MEI4: variants seen among roughly 807,000 people sequenced by gnomAD.
MEI4 encodes the protein meiotic double-stranded break formation protein 4.
A neutral mutation model predicts 31.4 loss-of-function variants in MEI4; 27 were observed. The observed-to-expected ratio is 0.86, with a 90% CI of 0.63 to 1.19. The LOEUF (loss-of-function observed/expected upper bound fraction) is 1.19, where lower values mean the gene tolerates loss of function less well. MEI4 is among the 50% of genes most tolerant of loss of function. The pLI is 0.00. For missense variants in MEI4, 329 were observed against 398.9 expected (o/e 0.82, Z 1.49); for synonymous variants, 122 against 145.4 (o/e 0.84, Z 1.16).
At chr6:77,733,666 C>T (rs1325852046) in intron 2 of MEI4, among the ~76,000 whole-genome samples, 2 of 151,844 alleles carry the variant, frequency 1.3e-5, no homozygotes, top group East Asian at 3.9e-4. Context: ...TTGCCTTCTG[C>T]TAGCTTTTGA....
chr6:77,833,946 C>T (rs1237389499), intron 4 of MEI4, among the ~76,000 whole-genome samples: 1 of 152,104 alleles, frequency 6.6e-6, no homozygotes, highest in African/African-American at 2.4e-5. Flanking sequence ...TCATCCATGT[C>T]CCTGCAAAGG....
At chr6:77,884,580 A>T (rs13207418) in intron 4 of MEI4, among the ~76,000 whole-genome samples, 2 of 151,964 alleles carry the variant, frequency 1.3e-5, no homozygotes, top group African/African-American at 2.4e-5. Context: ...TTGGATATCC[A>T]GTTGTCTCAG....
chr6:77,887,018 T>C (rs1771635563), intron 4 of MEI4, among the ~76,000 whole-genome samples: 1 of 38 alleles, frequency 0.026, no homozygotes, highest in Non-Finnish European at 0.042. Flanking sequence ...GTTTGTTCTT[T>C]CTTTTTTATT....
intron 1 of MEI4, among the ~76,000 whole-genome samples, chr6:77,664,882 T>C (rs982682307): frequency 1.3e-5 from 2 of 152,082 alleles, no homozygotes; most frequent in Non-Finnish European, 2.9e-5. Flanking sequence ...CGAGTTTGTA[T>C]TGGGGTCAAG....
chr6:77,709,551 G>A (rs1296899021), intron 2 of MEI4, among the ~76,000 whole-genome samples: 1 of 152,072 alleles, frequency 6.6e-6, no homozygotes, highest in Non-Finnish European at 1.5e-5. Flanking sequence ...AAGGTAACTG[G>A]TAAAAATAAT....
At chr6:77,837,566 C>T (rs1389491640) in intron 4 of MEI4, among the ~76,000 whole-genome samples, 6 of 152,306 alleles carry the variant, frequency 3.9e-5, no homozygotes, top group Non-Finnish European at 1.5e-5. Context: ...TGAGCCAAAT[C>T]TGGCTTGCCA....
At chr6:77,922,393 A>G (rs1021999411) in intron 4 of MEI4, among the ~76,000 whole-genome samples, 1 of 151,742 alleles carries the variant, frequency 6.6e-6, no homozygotes, top group South Asian at 2.1e-4. Flanking sequence ...TGCTCACCTC[A>G]TAGGGCTTCT....
intron 2 of MEI4, among the ~76,000 whole-genome samples, chr6:77,715,771 C>T (rs989181103): frequency 2.0e-5 from 3 of 152,034 alleles, no homozygotes; most frequent in East Asian, 1.9e-4. Context: ...CATAACAAGC[C>T]TATAGTTAGT....
intron 4 of MEI4, among the ~76,000 whole-genome samples, chr6:77,849,668 TC>T (rs1770569804): frequency 6.6e-6 from 1 of 152,204 alleles, no homozygotes; most frequent in African/African-American, 2.4e-5. Flanking sequence ...ACCGATTCTT[TC>T]CAGTCTGGGT....
At chr6:77,657,841 C>G (rs1008706888) in intron 1 of MEI4, among the ~76,000 whole-genome samples, 7 of 152,240 alleles carry the variant, frequency 4.6e-5, no homozygotes, top group African/African-American at 1.7e-4. Flanking sequence ...GCTTTTGCCT[C>G]TCTGAGTTCC....
At chr6:77,904,534 T>C (rs1375079774) in intron 4 of MEI4, among the ~76,000 whole-genome samples, 1 of 152,124 alleles carries the variant, frequency 6.6e-6, no homozygotes, top group Non-Finnish European at 1.5e-5. Flanking sequence ...AATATTTAGC[T>C]CTCACTTATA....
At chr6:77,662,547 A>G (rs199944802) in intron 1 of MEI4, among the ~76,000 whole-genome samples, 1 of 152,132 alleles carries the variant, frequency 6.6e-6, no homozygotes. Context: ...GAAGAAAATA[A>G]ATTTTGGAAA....
At position 77,900,961 on chromosome 6, in the gene MEI4, G is replaced by A. The variant is rs74461425; in HGVS notation, c.901-22128G>A. 9.3e-3 allele frequency among the ~76,000 whole-genome samples: 1,412 copies of A among 151,948 alleles called. 19 individuals are homozygous for A. Among genetic ancestry groups the A allele is most frequent in the African/African-American group, 0.032 (1,308 of 41,492 alleles). On this transcript the variant is annotated intron_variant, in intron 4 of 4. Transcript: ENST00000684080. ...ATCTATATATAAGTGAGGTCATGTGGTATTTGTCTTTTTGTGCCTGGATAA... is the reference window on the plus strand; with the variant it reads ...ATCTATATATAAGTGAGGTCATGTGATATTTGTCTTTTTGTGCCTGGATAA...
Position 77,735,910 on chromosome 6 carries a change from G to C in MEI4, c.233-25220G>C, listed in dbSNP as rs184653909. On this transcript the variant is annotated intron_variant, in intron 2 of 4. Coordinates refer to ENST00000684080, the MANE Select transcript of MEI4 (RefSeq NM_001322247.2). ...ACCCGGCCGTGTGAGGTGTCAGTCT[G>C]CCCCTGCTGGGGGATGCCTCCCAGT... is the stretch of plus-strand genomic sequence containing the variant. 1.1e-3 allele frequency among the ~76,000 whole-genome samples: 169 copies of C among 152,054 alleles called. 2 individuals carry two copies. Among genetic ancestry groups the C allele is most frequent in the African/African-American group, 2.7e-3 (113 of 41,372 alleles).
chr6:77,729,945 G>T (rs558542852), intron 2 of MEI4, among the ~76,000 whole-genome samples: 1 of 152,120 alleles, frequency 6.6e-6, no homozygotes, highest in East Asian at 1.9e-4. Flanking sequence ...GGGAGGCTCG[G>T]GAGAACAACT....
chr6:77,916,012 T>G (rs910845749), intron 4 of MEI4, among the ~76,000 whole-genome samples: 1 of 152,060 alleles, frequency 6.6e-6, no homozygotes, highest in African/African-American at 2.4e-5. Context: ...TATTTTCAAG[T>G]TCTGGATTTT....
chr6:77,692,843 G>A (rs1341131966), intron 2 of MEI4, among the ~76,000 whole-genome samples: 1 of 152,036 alleles, frequency 6.6e-6, no homozygotes, highest in Non-Finnish European at 1.5e-5. Context: ...CTAGAAGGAA[G>A]GTGGAAGTAT....
At chr6:77,789,472 T>A (rs140101754) in intron 3 of MEI4, among the ~76,000 whole-genome samples, 10,555 of 152,210 alleles carry the variant, frequency 0.069, 551 homozygotes, top group Non-Finnish European at 0.11. Flanking sequence ...ACAGGCAACC[T>A]ACAGAATGGG....
chr6:77,751,226 C>A (rs897090489), intron 2 of MEI4, among the ~76,000 whole-genome samples: 3 of 151,784 alleles, frequency 2.0e-5, no homozygotes, highest in Non-Finnish European at 4.4e-5. Flanking sequence ...CAAGAGCAAA[C>A]AAATTCAAGA....
Sources: gnomAD v4.1 joint callset for allele counts (sites outside exome capture counted in the v4.1 genomes callset) on GRCh38, gnomAD v4.1.1 for gene constraint, MANE v1.5 for transcripts, NCBI Gene and HGNC (gene_info 2026-07-23, HGNC 2026-07-21) for gene names.